The following SLC35F1 variants were observed in gnomAD, a reference collection of about 807,000 sequenced individuals.
The protein encoded by SLC35F1 is chromosome 6 open reading frame 169.
A neutral mutation model predicts 48.7 loss-of-function variants in SLC35F1; 14 were observed. That is an observed-to-expected ratio of 0.29 (90% CI 0.19 to 0.45). The LOEUF is 0.45. Among genes scored for constraint, SLC35F1 ranks in the 20% least tolerant of loss-of-function variants. SLC35F1 has a pLI of 1.00. For missense variants in SLC35F1, 404 were observed against 500.0 expected (o/e 0.81, Z 1.83); for synonymous variants, 190 against 202.2 (o/e 0.94, Z 0.51).
chr6:118,115,404 G>A (rs962341596), intron 1 of SLC35F1, among the ~76,000 whole-genome samples: 1 of 152,196 alleles, frequency 6.6e-6, no homozygotes, highest in Non-Finnish European at 1.5e-5. Flanking sequence ...AGGAATCAAG[G>A]ACAGAGTGGT....
intron 1 of SLC35F1, among the ~76,000 whole-genome samples, chr6:117,976,446 A>C (rs1448664874): frequency 6.6e-6 from 1 of 152,212 alleles, no homozygotes; most frequent in Non-Finnish European, 1.5e-5. Context: ...TTAAGGGAGG[A>C]AAATTTGATT....
intron 4 of SLC35F1, among the ~76,000 whole-genome samples, chr6:118,272,418 ACATAC>A (rs1733407346): frequency 6.6e-6 from 1 of 152,200 alleles, no homozygotes. Flanking sequence ...GTGGTTTTAT[ACATAC>A]ATAAATGACA....
At chr6:117,970,849 CGACA>C (rs1776628753) in intron 1 of SLC35F1, among the ~76,000 whole-genome samples, 1 of 152,140 alleles carries the variant, frequency 6.6e-6, no homozygotes. Context: ...GTCCCTTTCA[CGACA>C]TGTAGGGATT....
At chr6:118,156,425 T>C (rs1774142167) in intron 2 of SLC35F1, among the ~76,000 whole-genome samples, 1 of 151,984 alleles carries the variant, frequency 6.6e-6, no homozygotes, top group African/African-American at 2.4e-5. Flanking sequence ...AAGAAATACA[T>C]TGGTTTGCAA....
At chr6:118,284,347 A>G (rs1357293094) in intron 6 of SLC35F1, among the ~76,000 whole-genome samples, 2 of 106,180 alleles carry the variant, frequency 1.9e-5, no homozygotes, top group Non-Finnish European at 4.2e-5. Context: ...AGAAAAGAGC[A>G]TTATTTTTTT....
intron 1 of SLC35F1, among the ~76,000 whole-genome samples, chr6:118,089,532 C>G (rs1773042042): frequency 6.6e-6 from 1 of 152,188 alleles, no homozygotes; most frequent in Non-Finnish European, 1.5e-5. Context: ...TTATGATACA[C>G]TCTCAGGAGG....
chr6:117,966,591 C>T (rs1038842988), intron 1 of SLC35F1, among the ~76,000 whole-genome samples: 11 of 152,112 alleles, frequency 7.2e-5, no homozygotes, highest in South Asian at 2.1e-4. Context: ...ACACTCACCA[C>T]GAGGGTCCGT....
chr6:118,105,815 C>G (rs1375030670), intron 1 of SLC35F1, among the ~76,000 whole-genome samples: 2 of 152,158 alleles, frequency 1.3e-5, no homozygotes, highest in Admixed American at 6.6e-5. Flanking sequence ...ACCTTATCCA[C>G]TATCATACAT....
intron 1 of SLC35F1, among the ~76,000 whole-genome samples, chr6:117,913,359 A>G (rs1394311997): frequency 6.6e-6 from 1 of 152,228 alleles, no homozygotes; most frequent in East Asian, 1.9e-4. Context: ...TATGGAATAC[A>G]CACATGTGAC....
intron 1 of SLC35F1, among the ~76,000 whole-genome samples, chr6:117,958,594 C>G (rs968398631): frequency 6.6e-6 from 1 of 152,062 alleles, no homozygotes; most frequent in Non-Finnish European, 1.5e-5. Context: ...CATTGTGTTA[C>G]GATTGCCTAC....
intron 1 of SLC35F1, among the ~76,000 whole-genome samples, chr6:118,029,735 T>G (rs1204028984): frequency 6.6e-6 from 1 of 152,180 alleles, no homozygotes; most frequent in Non-Finnish European, 1.5e-5. Context: ...TTTATACTGT[T>G]TACAAAAGTT....
At chr6:117,910,464 C>A (rs1476670898) in intron 1 of SLC35F1, among the ~76,000 whole-genome samples, 1 of 152,196 alleles carries the variant, frequency 6.6e-6, no homozygotes, top group Non-Finnish European at 1.5e-5. Context: ...ATACTTCACC[C>A]ACATTGCCCT....
intron 2 of SLC35F1, among the ~76,000 whole-genome samples, chr6:118,170,327 A>G (rs1774384150): frequency 6.6e-6 from 1 of 152,254 alleles, no homozygotes; most frequent in Non-Finnish European, 1.5e-5. Flanking sequence ...GAATAGATAT[A>G]ACATGCTAAT....
At chr6:118,221,697 A>G (rs1479672541) in intron 2 of SLC35F1, among the ~76,000 whole-genome samples, 1 of 152,238 alleles carries the variant, frequency 6.6e-6, no homozygotes, top group Non-Finnish European at 1.5e-5. Context: ...TATAATGAAG[A>G]TCTATGTGGC....
At chr6:118,253,831 A>G (rs1775606794) in intron 3 of SLC35F1, among the ~76,000 whole-genome samples, 1 of 151,982 alleles carries the variant, frequency 6.6e-6, no homozygotes, top group African/African-American at 2.4e-5. Context: ...TAGCTTGAGG[A>G]ATGAATGGAA....
At chr6:118,180,708 G>A (rs1235927740) in intron 2 of SLC35F1, among the ~76,000 whole-genome samples, 1 of 152,022 alleles carries the variant, frequency 6.6e-6, no homozygotes, top group Admixed American at 6.6e-5. Flanking sequence ...TAATTGACAT[G>A]GAGAGTGAGA....
intron 7 of SLC35F1, among the ~76,000 whole-genome samples, chr6:118,298,664 T>C (rs1776221249): frequency 6.6e-6 from 1 of 152,224 alleles, no homozygotes; most frequent in Non-Finnish European, 1.5e-5. Context: ...CCAACTCCAC[T>C]TCTTTCCTCT....
At chr6:118,191,483 T>A (rs1774732714) in intron 2 of SLC35F1, among the ~76,000 whole-genome samples, 1 of 152,200 alleles carries the variant, frequency 6.6e-6, no homozygotes, top group Non-Finnish European at 1.5e-5. Flanking sequence ...ATCTCCCTGG[T>A]TAGCTTTACC....
chr6:118,101,323 T>C (rs1725892461), intron 1 of SLC35F1, among the ~76,000 whole-genome samples: 1 of 152,316 alleles, frequency 6.6e-6, no homozygotes, highest in East Asian at 1.9e-4. Context: ...CCAAATACAA[T>C]GTGGTCCTTG....
Sources: allele counts gnomAD v4.1 joint callset (sites outside exome capture counted in the v4.1 genomes callset), GRCh38; gene constraint gnomAD v4.1.1; transcripts MANE v1.5; gene names NCBI Gene and HGNC (gene_info 2026-07-23, HGNC 2026-07-21).